Variants in CTSC observed in about 807,000 individuals in gnomAD.
CTSC encodes dipeptidyl peptidase 1.
Under a neutral mutation model 40.9 loss-of-function variants are expected in CTSC, and 37 were observed. The ratio of observed to expected loss-of-function variants is 0.91; its 90% confidence interval spans 0.70 to 1.19. CTSC has a LOEUF of 1.19. Ranked by LOEUF, CTSC falls within the 50% of genes most tolerant of loss-of-function variation. The pLI, the probability that CTSC is intolerant of heterozygous loss-of-function variation, is 0.00. For missense variants in CTSC, 594 were observed against 567.3 expected (o/e 1.05, Z -0.48); for synonymous variants, 232 against 207.4 (o/e 1.12, Z -1.02).
chr11:88,312,119 C>T (rs992730966), intron 3 of CTSC, among the ~76,000 whole-genome samples: 2 of 152,112 alleles, frequency 1.3e-5, no homozygotes, highest in Non-Finnish European at 2.9e-5. Context: ...AGCAAAATGG[C>T]TTTTCTTTAT....
At chr11:88,327,909 T>C in intron 2 of CTSC, 1 of 589,462 alleles carries the variant, frequency 1.7e-6, no homozygotes. Flanking sequence ...CAGAACATAA[T>C]AAAGTAGAAA....
At chr11:88,304,303 T>C (rs1444080143) in intron 4 of CTSC, among the ~76,000 whole-genome samples, 2 of 152,200 alleles carry the variant, frequency 1.3e-5, no homozygotes, top group Non-Finnish European at 2.9e-5. Context: ...AGTGTTTTTC[T>C]CTGATAAGTC....
chr11:88,296,103 C>A, intron 6 of CTSC, 30 bp downstream of exon 6: 1 of 1,612,264 alleles, frequency 6.2e-7, no homozygotes, highest in South Asian at 1.1e-5. Context: ...GTAAATAGCT[C>A]ATAAATGGTG....
intron 2 of CTSC, among the ~76,000 whole-genome samples, chr11:88,319,320 T>G (rs1209717574): frequency 6.6e-6 from 1 of 152,156 alleles, no homozygotes; most frequent in Non-Finnish European, 1.5e-5. Context: ...CTATAATATT[T>G]TTTTTAGTCC....
At chr11:88,333,931 T>C (rs1004191152) in intron 2 of CTSC, among the ~76,000 whole-genome samples, 3 of 152,204 alleles carry the variant, frequency 2.0e-5, no homozygotes, top group Admixed American at 1.3e-4. Flanking sequence ...TTTAAAAATA[T>C]TTCTGGGAGT....
intron 2 of CTSC, chr11:88,325,328 A>G (rs1938151343): frequency 2.0e-6 from 2 of 985,448 alleles, no homozygotes; most frequent in Non-Finnish European, 2.4e-6. Flanking sequence ...CAAGAAAGTC[A>G]GTAGCCTAAT....
chr11:88,319,748 A>C (rs926967471), intron 2 of CTSC, among the ~76,000 whole-genome samples: 8 of 152,184 alleles, frequency 5.3e-5, no homozygotes, highest in Admixed American at 1.3e-4. Flanking sequence ...AATTTTCAAA[A>C]TGTACCTATA....
chr11:88,296,091 A>T (rs765092700), intron 6 of CTSC, 42 bp downstream of exon 6: 2 of 1,609,490 alleles, frequency 1.2e-6, no homozygotes, highest in Non-Finnish European at 1.7e-6. Context: ...AGCTGCACAC[A>T]GGTAAATAGC....
intron 2 of CTSC, among the ~76,000 whole-genome samples, chr11:88,320,465 C>T (rs1937976150): frequency 6.6e-6 from 1 of 152,234 alleles, no homozygotes; most frequent in Non-Finnish European, 1.5e-5. Flanking sequence ...ATGTTCCTCA[C>T]TATACTCAAC....
intron 1 of CTSC, among the ~76,000 whole-genome samples, chr11:88,336,399 C>T (rs931830479): frequency 2.0e-5 from 3 of 151,634 alleles, no homozygotes; most frequent in Admixed American, 6.6e-5. Context: ...ATTAGCCGGG[C>T]GTGGTGGCAT....
At chr11:88,318,140 C>G (rs1937920073) in intron 2 of CTSC, among the ~76,000 whole-genome samples, 1 of 152,116 alleles carries the variant, frequency 6.6e-6, no homozygotes, top group Non-Finnish European at 1.5e-5. Flanking sequence ...TAAACCTGTT[C>G]TACTGTTTTC....
At chr11:88,295,424 G>T (rs7122714) in intron 6 of CTSC, among the ~76,000 whole-genome samples, 1 of 151,914 alleles carries the variant, frequency 6.6e-6, no homozygotes, top group Admixed American at 6.6e-5. Flanking sequence ...CGTTTGCCCA[G>T]GCTGGAGTGC....
chr11:88,316,924 C>T (rs1011609933), intron 2 of CTSC, among the ~76,000 whole-genome samples: 6 of 152,022 alleles, frequency 3.9e-5, no homozygotes, highest in Non-Finnish European at 8.8e-5. Flanking sequence ...AAAAATTTCC[C>T]TTCAAGCTTT....
intron 4 of CTSC, among the ~76,000 whole-genome samples, 179 bp downstream of exon 4, chr11:88,308,984 G>A (rs1322932817): frequency 1.3e-5 from 2 of 152,124 alleles, no homozygotes; most frequent in African/African-American, 4.8e-5. Flanking sequence ...CTCATAAATA[G>A]GACTTGGAGA....
intron 2 of CTSC, chr11:88,326,313 A>G: frequency 6.2e-7 from 1 of 1,613,458 alleles, no homozygotes. Context: ...AAGGGACTGT[A>G]GCTGCTAGAG....
chr11:88,296,459 T>C (rs1411907689), intron 5 of CTSC, 195 bp from the exon 6 acceptor site: 4 of 598,050 alleles, frequency 6.7e-6, no homozygotes, highest in Non-Finnish European at 1.2e-5. Flanking sequence ...TCATCCTTTT[T>C]CATCAAAAGG....
At chr11:88,314,121 T>C (rs965376646) in intron 2 of CTSC, among the ~76,000 whole-genome samples, 1 of 152,184 alleles carries the variant, frequency 6.6e-6, no homozygotes, top group African/African-American at 2.4e-5. Context: ...TTTGCAGAGG[T>C]TGGCAAACTT....
chr11:88,294,485 G>C lies in CTSC; in HGVS notation c.913C>G (p.Leu305Val). The change falls in exon 7 of 7, where the codon CTT (leucine) becomes GTT (valine). Residue 305 changes from leucine to valine, a missense_variant. Coordinates refer to ENST00000227266, the MANE Select transcript of CTSC (RefSeq NM_001814.6). ...AQGCEGGFPYLIAGKYAQDFG... is the reference protein window; with the variant it reads ...AQGCEGGFPYVIAGKYAQDFG... Reference sequence around the variant, plus strand: ...TCTTGGGCGTACTTTCCTGCAATAAGGTATGGGAAGCCGCCTTCACAGCCT... The same window carrying C: ...TCTTGGGCGTACTTTCCTGCAATAACGTATGGGAAGCCGCCTTCACAGCCT... 6.2e-7 allele frequency: 1 copy of C among 1,614,114 alleles called. No individual in the cohort carries two copies. Among genetic ancestry groups the C allele is most frequent in the Non-Finnish European group, 8.5e-7 (1 of 1,180,016 alleles).
At chr11:88,320,874 G>T in intron 2 of CTSC, 1 of 829,816 alleles carries the variant, frequency 1.2e-6, no homozygotes, top group Non-Finnish European at 1.5e-6. Context: ...GTCATATATC[G>T]TGTAATACAT....
Sources: gnomAD v4.1 joint callset for allele counts (sites outside exome capture counted in the v4.1 genomes callset) on GRCh38, gnomAD v4.1.1 for gene constraint, MANE v1.5 for transcripts, NCBI Gene and HGNC (gene_info 2026-07-23, HGNC 2026-07-21) for gene names.